ERICH2: variants seen among roughly 807,000 people sequenced by gnomAD.
ERICH2 encodes the protein glutamate rich 2.
Under a neutral mutation model 17.4 loss-of-function variants are expected in ERICH2, and 17 were observed. The observed-to-expected ratio is 0.98, with a 90% CI of 0.67 to 1.47. ERICH2 has a LOEUF of 1.47. Ranked by LOEUF, ERICH2 falls within the 40% of genes most tolerant of loss-of-function variation. The pLI is 0.00. For synonymous variants in ERICH2, 51 were observed against 61.1 expected (o/e 0.83, Z 0.77); for missense variants, 186 against 183.2 (o/e 1.01, Z -0.09).
intron 2 of ERICH2, among the ~76,000 whole-genome samples, chr2:170,787,436 A>G (rs1193634456): frequency 2.6e-5 from 4 of 152,250 alleles, no homozygotes; most frequent in Non-Finnish European, 5.9e-5. Context: ...GTACTAAGGC[A>G]GTGCCCTTAT....
intron 2 of ERICH2, among the ~76,000 whole-genome samples, chr2:170,785,181 C>T (rs1015545580): frequency 2.0e-5 from 3 of 152,076 alleles, no homozygotes; most frequent in Non-Finnish European, 4.4e-5. Flanking sequence ...AATCCAATTG[C>T]CTTGATTTGA....
At chr2:170,772,692 T>C in the ERICH2 span, among the ~76,000 whole-genome samples, 1 of 152,346 alleles carries the variant, frequency 6.6e-6, no homozygotes, top group African/African-American at 2.4e-5. Context: ...TGCCATGAAA[T>C]ATTGTTCCTG....
At chr2:170,781,631 TAAA>T (rs59729388), upstream of ERICH2, among the ~76,000 whole-genome samples, 33 of 127,080 alleles carry the variant, frequency 2.6e-4, no homozygotes, top group Non-Finnish European at 3.8e-4. Context: ...AGACTTGGTC[TAAA>T]AAAAAAAAAA....
upstream of ERICH2, chr2:170,783,319 G>T (rs1164319064): frequency 3.2e-5 from 5 of 153,904 alleles, no homozygotes; most frequent in Middle Eastern, 3.1e-3. Flanking sequence ...GCACTTTTAG[G>T]TGGGTGGATC....
chr2:170,794,343 A>G (rs1220258548), intron 3 of ERICH2, among the ~76,000 whole-genome samples: 6 of 152,000 alleles, frequency 3.9e-5, no homozygotes, highest in Non-Finnish European at 8.8e-5. Context: ...CTTGGCCTCA[A>G]GTGATTCTCC....
At chr2:170,788,378 A>G (rs986081196) in intron 2 of ERICH2, among the ~76,000 whole-genome samples, 3 of 152,228 alleles carry the variant, frequency 2.0e-5, no homozygotes, top group Middle Eastern at 3.2e-3. Context: ...AAAAATTCAG[A>G]TAATATGAGA....
chr2:170,798,953 A>T, exon 5 of ERICH2: 4 of 1,518,148 alleles, frequency 2.6e-6, no homozygotes, highest in Non-Finnish European at 3.6e-6. Flanking sequence ...ATGCAAATAT[A>T]AAGACAAGTG....
chr2:170,796,073 C>A (rs1701407928), intron 3 of ERICH2, among the ~76,000 whole-genome samples: 1 of 152,242 alleles, frequency 6.6e-6, no homozygotes, highest in South Asian at 2.1e-4. Context: ...AAACTAGTAT[C>A]TAAAGAAGCA....
upstream of ERICH2, chr2:170,783,698 G>A (rs1478043019): frequency 4.0e-6 from 5 of 1,256,696 alleles, no homozygotes; most frequent in Non-Finnish European, 4.5e-6. Flanking sequence ...GCTGCTAACT[G>A]TTTGTGAAGT....
chr2:170,784,684 A>C (rs1185657433), exon 2 of ERICH2: 2 of 1,540,434 alleles, frequency 1.3e-6, no homozygotes, highest in Admixed American at 4.1e-5. Context: ...AAAGCAGGAG[A>C]AAAATAATGA....
intron 1 of ERICH2, among the ~76,000 whole-genome samples, chr2:170,784,290 T>A (rs1701097429): frequency 1.3e-5 from 2 of 152,228 alleles, no homozygotes; most frequent in Non-Finnish European, 2.9e-5. Context: ...AGAAGTATAT[T>A]TATTTTATTG....
At position 170,797,795 on chromosome 2, in the gene ERICH2, GAA is replaced by G. The variant is rs767126097; in HGVS notation, c.275-228_275-227del. ...TAACAGAGCGACACCCTGTCTCAGG[GAA>G]AAAAAAAAAAAAAAAAAGAAAGAAA... is the stretch of plus-strand genomic sequence containing the variant. On this transcript the variant is annotated intron_variant, in intron 3 of 4. Coordinates refer to ENST00000409885, the Ensembl canonical transcript of ERICH2. 1.5e-3 allele frequency among the ~76,000 whole-genome samples: 210 copies of G among 141,796 alleles called. 1 individual carries two copies. The highest frequency in any genetic ancestry group is 3.6e-3 in the Admixed American group (51 of 14,038). The allele number at this position is 141,796 out of a possible 152,430, so 93.0% of individuals were successfully genotyped here. A position where few individuals can be genotyped will look rare whatever the true frequency, so the allele number is the denominator to read the frequency against.
At chr2:170,790,877 A>G (rs1701274095) in intron 2 of ERICH2, among the ~76,000 whole-genome samples, 1 of 152,124 alleles carries the variant, frequency 6.6e-6, no homozygotes, top group Non-Finnish European at 1.5e-5. Flanking sequence ...AAAATTTTGA[A>G]ATAAGCTTAA....
chr2:170,776,097 A>G, the ERICH2 span, among the ~76,000 whole-genome samples: 1 of 152,182 alleles, frequency 6.6e-6, no homozygotes, highest in Admixed American at 6.5e-5. Flanking sequence ...TTTTTCTCTT[A>G]ACTATGAGAA....
At chr2:170,776,553 T>A in the ERICH2 span, among the ~76,000 whole-genome samples, 4 of 152,178 alleles carry the variant, frequency 2.6e-5, no homozygotes, top group South Asian at 8.3e-4. Context: ...AATTTTTGTA[T>A]TTTTAGTAGA....
At chr2:170,789,376 T>A (rs545738933) in intron 2 of ERICH2, among the ~76,000 whole-genome samples, 2 of 152,328 alleles carry the variant, frequency 1.3e-5, no homozygotes, top group African/African-American at 4.8e-5. Flanking sequence ...TGTAACACTA[T>A]ATCCTTATCA....
chr2:170,795,375 TCTCA>T (rs1406028440), intron 3 of ERICH2, among the ~76,000 whole-genome samples: 3 of 152,046 alleles, frequency 2.0e-5, no homozygotes, highest in Non-Finnish European at 4.4e-5. Flanking sequence ...TGAGGCACGG[TCTCA>T]CTCTGTCACC....
chr2:170,786,701 T>G lies in ERICH2; in HGVS notation c.216+1868T>G, dbSNP rs1701167355. 1.3e-5 allele frequency among the ~76,000 whole-genome samples: 2 copies of G among 152,170 alleles called. 1 individual carries two copies. Among genetic ancestry groups the G allele is most frequent in the South Asian group, 4.1e-4 (2 of 4,828 alleles). The stretch of plus-strand genomic sequence containing the variant: ...AAATTTTTTTCAGTTTTTTTCATAT[T>G]TTTTTAGATAATATCTATTGCTATC... On this transcript the variant is annotated intron_variant, in intron 2 of 4. Transcript: ENST00000409885.
At chr2:170,797,762 A>T (rs148411008) in intron 3 of ERICH2, among the ~76,000 whole-genome samples, 5,432 of 151,192 alleles carry the variant, frequency 0.036, 123 homozygotes, top group Non-Finnish European at 0.053. Context: ...ACTGCACTCC[A>T]GTCTGGGTAA....
Sources: allele counts gnomAD v4.1 joint callset (sites outside exome capture counted in the v4.1 genomes callset), GRCh38; gene constraint gnomAD v4.1.1; transcripts MANE v1.5; gene names NCBI Gene and HGNC (gene_info 2026-07-23, HGNC 2026-07-21).